The following SYNPR variants were observed in gnomAD, a reference collection of about 807,000 sequenced individuals.
SYNPR encodes the protein synaptoporin.
SYNPR carries 23 observed loss-of-function variants against 32.9 expected under a neutral mutation model. The observed-to-expected ratio is 0.70, with a 90% CI of 0.50 to 0.99. SYNPR has a LOEUF of 0.99. Ranked by LOEUF, SYNPR falls within the 50% of genes least tolerant of loss-of-function variation. The pLI, the probability that SYNPR is intolerant of heterozygous loss-of-function variation, is 0.00. For synonymous variants in SYNPR, 146 were observed against 135.9 expected (o/e 1.07, Z -0.52); for missense variants, 318 against 349.3 (o/e 0.91, Z 0.71).
At chr3:63,361,942 A>G (rs2087667814) in intron 2 of SYNPR, among the ~76,000 whole-genome samples, 1 of 152,212 alleles carries the variant, frequency 6.6e-6, no homozygotes, top group Non-Finnish European at 1.5e-5. Context: ...GATAGATTAA[A>G]TATTTTTAAT....
chr3:63,352,412 C>A (rs751444305), intron 2 of SYNPR, among the ~76,000 whole-genome samples: 1 of 151,968 alleles, frequency 6.6e-6, no homozygotes, highest in Non-Finnish European at 1.5e-5. Flanking sequence ...TCATAAAGCT[C>A]GATGGTTCAG....
intron 2 of SYNPR, among the ~76,000 whole-genome samples, chr3:63,362,186 G>A (rs1054084880): frequency 3.9e-5 from 6 of 152,194 alleles, no homozygotes; most frequent in African/African-American, 1.4e-4. Context: ...GTCTCTGAAT[G>A]TGTGCGTGAA....
In SYNPR at chr3:63,413,622, C is replaced by T. The variant is rs146227818; in HGVS notation, c.85-67210C>T. ...CCTCAAATACCACTTTGGCAGAGTA[C>T]AGTTATGCTAAGCTAGAACTTTAAA... On this transcript the variant is annotated intron_variant, in intron 2 of 5. Coordinates refer to ENST00000478300, the MANE Select transcript of SYNPR (RefSeq NM_001130003.2). 2.4e-4 allele frequency among the ~76,000 whole-genome samples: 36 copies of T among 152,292 alleles called. No homozygotes were observed. The East Asian group carries it at 6.9e-3, about 29-fold the overall frequency.
intron 2 of SYNPR, among the ~76,000 whole-genome samples, chr3:63,466,618 CA>C (rs1700686230): frequency 6.6e-6 from 1 of 152,012 alleles, no homozygotes; most frequent in Admixed American, 6.5e-5. Context: ...GCTGCTATAA[CA>C]AAATACTAGA....
intron 2 of SYNPR, chr3:63,252,653 A>C (rs1476122663): frequency 6.6e-6 from 1 of 152,208 alleles, no homozygotes; most frequent in Non-Finnish European, 1.5e-5. Context: ...AAAGCTGCAC[A>C]AAATCCTGCG....
chr3:63,603,073 T>C (rs1700067774), intron 4 of SYNPR, among the ~76,000 whole-genome samples: 1 of 152,164 alleles, frequency 6.6e-6, no homozygotes, highest in Non-Finnish European at 1.5e-5. Flanking sequence ...CCTGATTTGC[T>C]GTATTCCTAA....
chr3:63,523,286 T>A (rs1463760880), intron 3 of SYNPR, among the ~76,000 whole-genome samples: 1 of 152,118 alleles, frequency 6.6e-6, no homozygotes, highest in Non-Finnish European at 1.5e-5. Flanking sequence ...CTTTTCCACC[T>A]TGCACTATGG....
intron 2 of SYNPR, among the ~76,000 whole-genome samples, chr3:63,339,460 G>A (rs997011286): frequency 5.9e-5 from 9 of 152,030 alleles, no homozygotes; most frequent in African/African-American, 2.2e-4. Context: ...TTAATGTCTT[G>A]GGAAATTATA....
intron 2 of SYNPR, among the ~76,000 whole-genome samples, chr3:63,310,067 A>G (rs1172643843): frequency 6.6e-6 from 1 of 151,750 alleles, no homozygotes; most frequent in Non-Finnish European, 1.5e-5. Flanking sequence ...CAGTTTAGGG[A>G]AGAGCTACCC....
intron 3 of SYNPR, among the ~76,000 whole-genome samples, chr3:63,528,937 C>A (rs1440735207): frequency 6.6e-6 from 1 of 152,180 alleles, no homozygotes; most frequent in East Asian, 1.9e-4. Flanking sequence ...ATAGAATTGA[C>A]ACCCAAAAGA....
chr3:63,443,399 C>G (rs1447622668), intron 2 of SYNPR: 1 of 1,592,444 alleles, frequency 6.3e-7, no homozygotes, highest in South Asian at 1.1e-5. Flanking sequence ...GAGACAACCT[C>G]TATTTTCTTT....
intron 4 of SYNPR, among the ~76,000 whole-genome samples, chr3:63,603,293 G>A (rs1700071409): frequency 6.6e-6 from 1 of 152,100 alleles, no homozygotes; most frequent in Admixed American, 6.6e-5. Flanking sequence ...TCTGCAAAGG[G>A]GATAGTTTGA....
intron 2 of SYNPR, among the ~76,000 whole-genome samples, chr3:63,325,651 G>A (rs2087158147): frequency 6.6e-6 from 1 of 151,920 alleles, no homozygotes; most frequent in Admixed American, 6.6e-5. Context: ...CACTCCAAAT[G>A]GAGACTGAGC....
At chr3:63,442,831 A>G (rs1700204800) in intron 2 of SYNPR, among the ~76,000 whole-genome samples, 1 of 152,172 alleles carries the variant, frequency 6.6e-6, no homozygotes, top group East Asian at 1.9e-4. Context: ...ATTATGCATA[A>G]CAGCTATGCA....
chr3:63,557,211 A>T (rs896247594), intron 4 of SYNPR, among the ~76,000 whole-genome samples: 1 of 152,174 alleles, frequency 6.6e-6, no homozygotes, highest in Non-Finnish European at 1.5e-5. Context: ...ATATGAGTGA[A>T]ATCAATATAG....
At chr3:63,385,946 G>C (rs1560212765) in intron 2 of SYNPR, among the ~76,000 whole-genome samples, 1 of 152,228 alleles carries the variant, frequency 6.6e-6, no homozygotes, top group Non-Finnish European at 1.5e-5. Context: ...TCAAGGCCAA[G>C]TGTTAGTCTT....
chr3:63,591,160 A>G (rs889053425), intron 4 of SYNPR, among the ~76,000 whole-genome samples: 5 of 150,060 alleles, frequency 3.3e-5, no homozygotes, highest in Non-Finnish European at 7.4e-5. Flanking sequence ...ATGAACAGAC[A>G]CTTCTCTAAA....
rs75922285 is a variant in SYNPR, at chr3:63,293,765, C to T, written c.84+15023C>T. 2.1e-3 allele frequency among the ~76,000 whole-genome samples: 318 copies of T among 149,404 alleles called. 6 individuals are homozygous for T. In the East Asian group the frequency reaches 0.054, roughly 25 times the overall value. On this transcript the variant is annotated intron_variant, in intron 2 of 5. Coordinates refer to ENST00000478300, the MANE Select transcript of SYNPR (RefSeq NM_001130003.2). ...GAAGTATTGTCCTGATGTCTGCTTT[C>T]CTCTTCACATGGTTATACTGTGTGT... is the stretch of plus-strand genomic sequence containing the variant.
intron 3 of SYNPR, among the ~76,000 whole-genome samples, chr3:63,528,460 G>T (rs1181665961): frequency 6.6e-6 from 1 of 151,968 alleles, no homozygotes; most frequent in African/African-American, 2.4e-5. Context: ...CTAGCAAAAA[G>T]TTGCCTATCT....
Sources: gnomAD v4.1 joint callset for allele counts (sites outside exome capture counted in the v4.1 genomes callset) on GRCh38, gnomAD v4.1.1 for gene constraint, MANE v1.5 for transcripts, NCBI Gene and HGNC (gene_info 2026-07-23, HGNC 2026-07-21) for gene names.